Variants in CCSER1 observed in about 807,000 individuals in gnomAD.
The protein encoded by CCSER1 is serine-rich coiled-coil domain-containing protein 1.
In CCSER1, 41 loss-of-function variants were observed where a neutral mutation model predicts 82.0. The observed-to-expected ratio is 0.50, with a 90% CI of 0.39 to 0.65. CCSER1 has a LOEUF of 0.65. Ranked by LOEUF, CCSER1 falls within the 30% of genes least tolerant of loss-of-function variation. The probability of loss-of-function intolerance (pLI) is 0.00; values close to 1 mark genes in which losing one functional copy is unlikely to be tolerated. For synonymous variants in CCSER1, 414 were observed against 383.9 expected (o/e 1.08, Z -0.92); for missense variants, 1,119 against 1,064.2 (o/e 1.05, Z -0.72).
At chr4:91,269,165 C>A (rs1028490281) in intron 10 of CCSER1, among the ~76,000 whole-genome samples, 1 of 152,162 alleles carries the variant, frequency 6.6e-6, no homozygotes, top group East Asian at 1.9e-4. Flanking sequence ...AGATTGAAGG[C>A]ATGCCTTGGG....
chr4:90,410,260 T>A (rs1754490440), intron 4 of CCSER1, among the ~76,000 whole-genome samples: 1 of 152,118 alleles, frequency 6.6e-6, no homozygotes, highest in Admixed American at 6.5e-5. Context: ...GCAATTGAAC[T>A]CAGCTCTGCA....
At chr4:91,546,386 T>C (rs1761889466) in intron 10 of CCSER1, among the ~76,000 whole-genome samples, 1 of 152,100 alleles carries the variant, frequency 6.6e-6, no homozygotes, top group Non-Finnish European at 1.5e-5. Flanking sequence ...AGTTAACCCA[T>C]GTCTTTTTTT....
intron 8 of CCSER1, among the ~76,000 whole-genome samples, chr4:90,828,500 A>G (rs921486576): frequency 2.6e-5 from 4 of 152,188 alleles, no homozygotes; most frequent in Admixed American, 1.3e-4. Flanking sequence ...GATGAACAAA[A>G]CAAGAATGAA....
chr4:90,613,384 C>G (rs1349794899), intron 5 of CCSER1, among the ~76,000 whole-genome samples: 1 of 152,052 alleles, frequency 6.6e-6, no homozygotes, highest in African/African-American at 2.4e-5. Flanking sequence ...AAGATGGTGA[C>G]AGAAGAATAT....
Position 91,058,025 on chromosome 4 carries a change from CTTTTAT to C in CCSER1, c.2173-27919_2173-27914del, listed in dbSNP as rs368002125. Among the ~76,000 whole-genome samples, 701 of 152,210 alleles carry C rather than the reference CTTTTAT, an allele frequency of 4.6e-3. 6 individuals are homozygous for C. The highest frequency in any genetic ancestry group is 0.016 in the African/African-American group (661 of 41,526). The stretch of plus-strand genomic sequence containing the variant: ...CAAAACCCAGATTCCTTTTATTTAA[CTTTTAT>C]TTTTAGTTCAGAGGTACAAGTGCAG... On this transcript the variant is annotated intron_variant, in intron 9 of 10. Transcript: ENST00000509176.
intron 10 of CCSER1, among the ~76,000 whole-genome samples, chr4:91,506,965 G>A (rs1759528332): frequency 6.6e-6 from 1 of 151,988 alleles, no homozygotes; most frequent in Non-Finnish European, 1.5e-5. Flanking sequence ...ATGTATCAAT[G>A]CCTCATTTCT....
At chr4:91,079,359 C>G (rs1355246311) in intron 9 of CCSER1, among the ~76,000 whole-genome samples, 1 of 152,194 alleles carries the variant, frequency 6.6e-6, no homozygotes, top group African/African-American at 2.4e-5. Flanking sequence ...AAATCTTTTA[C>G]AGACAAGCAA....
At chr4:90,403,271 G>C (rs553061926) in intron 4 of CCSER1, among the ~76,000 whole-genome samples, 1 of 151,758 alleles carries the variant, frequency 6.6e-6, no homozygotes, top group Non-Finnish European at 1.5e-5. Context: ...AGGCTGAGGC[G>C]GGTGGATCAC....
chr4:90,789,997 A>G (rs1755020499), intron 7 of CCSER1, among the ~76,000 whole-genome samples: 1 of 152,140 alleles, frequency 6.6e-6, no homozygotes, highest in African/African-American at 2.4e-5. Context: ...CCATTCCACT[A>G]GTATACATGC....
chr4:90,578,583 A>G (rs960430490), intron 5 of CCSER1, among the ~76,000 whole-genome samples: 3 of 152,182 alleles, frequency 2.0e-5, no homozygotes, highest in Admixed American at 1.3e-4. Context: ...TTAAGGACTC[A>G]TGTGATTACA....
intron 6 of CCSER1, among the ~76,000 whole-genome samples, chr4:90,691,202 T>C (rs6819756): frequency 0.21 from 32,559 of 151,916 alleles, 3,746 homozygotes; most frequent in Middle Eastern, 0.27. Context: ...TTAATTTTAC[T>C]ATTAAATCTT....
chr4:90,909,458 G>A (rs1201640083), intron 8 of CCSER1, among the ~76,000 whole-genome samples: 1 of 152,078 alleles, frequency 6.6e-6, no homozygotes, highest in Non-Finnish European at 1.5e-5. Flanking sequence ...AGGCTGGGGT[G>A]GAGGCAGTAG....
intron 10 of CCSER1, among the ~76,000 whole-genome samples, chr4:91,378,929 A>G (rs1184170370): frequency 6.6e-6 from 1 of 152,184 alleles, no homozygotes; most frequent in Admixed American, 6.5e-5. Flanking sequence ...TGTCCCATCA[A>G]TACCTAATTT....
At chr4:90,282,255 CT>C (rs1194470575) in intron 1 of CCSER1, among the ~76,000 whole-genome samples, 3 of 151,866 alleles carry the variant, frequency 2.0e-5, no homozygotes, top group Non-Finnish European at 4.4e-5. Context: ...GCATTTTTAA[CT>C]GCACTTGGTT....
chr4:90,282,832 A>T (rs1288911505), intron 1 of CCSER1, among the ~76,000 whole-genome samples: 2 of 151,940 alleles, frequency 1.3e-5, no homozygotes, highest in Non-Finnish European at 2.9e-5. Flanking sequence ...ACTGTATTTC[A>T]CAAGAGTCAG....
At chr4:91,307,611 C>T (rs1044892236) in intron 10 of CCSER1, among the ~76,000 whole-genome samples, 2 of 151,876 alleles carry the variant, frequency 1.3e-5, no homozygotes, top group African/African-American at 4.8e-5. Context: ...GCACAACTTA[C>T]AATGAGTAAG....
At chr4:91,249,994 T>TC (rs1447242591) in intron 10 of CCSER1, among the ~76,000 whole-genome samples, 1 of 152,004 alleles carries the variant, frequency 6.6e-6, no homozygotes, top group African/African-American at 2.4e-5. Context: ...TGTTCAAAAC[T>TC]AAAATGTCGT....
chr4:91,489,742 C>G (rs1272431986), intron 10 of CCSER1, among the ~76,000 whole-genome samples: 2 of 151,952 alleles, frequency 1.3e-5, no homozygotes, highest in Non-Finnish European at 2.9e-5. Context: ...GAGCCGAGAT[C>G]GCTCCACTGC....
intron 5 of CCSER1, among the ~76,000 whole-genome samples, chr4:90,477,220 CTACTTT>C (rs1765232371): frequency 1.3e-5 from 2 of 152,170 alleles, no homozygotes; most frequent in South Asian, 4.1e-4. Context: ...TATTGATTTT[CTACTTT>C]TCCCCTTCCA....
Sources: gnomAD v4.1 joint callset for allele counts (sites outside exome capture counted in the v4.1 genomes callset) on GRCh38, gnomAD v4.1.1 for gene constraint, MANE v1.5 for transcripts, NCBI Gene and HGNC (gene_info 2026-07-23, HGNC 2026-07-21) for gene names.